The following EPHB6 variants were observed in gnomAD, a reference collection of about 807,000 sequenced individuals.
EPHB6 encodes the protein ephrin type-B receptor 6.
Under a neutral mutation model 107.0 loss-of-function variants are expected in EPHB6, and 51 were observed. The observed-to-expected ratio is 0.48, with a 90% CI of 0.38 to 0.60. The LOEUF (loss-of-function observed/expected upper bound fraction) is 0.60. EPHB6 is among the 20% of genes least tolerant of loss of function. The probability of loss-of-function intolerance (pLI) is 0.00; values close to 1 mark genes in which losing one functional copy is unlikely to be tolerated. For missense variants in EPHB6, 1,141 were observed against 1,355.5 expected (o/e 0.84, Z 2.48); for synonymous variants, 553 against 549.0 (o/e 1.01, Z -0.10).
In EPHB6 at chr7:142,870,412, G is replaced by A. The variant is rs2116491480; in HGVS notation, c.2804+5G>A. 2 of 1,614,048 alleles carry A rather than the reference G, an allele frequency of 1.2e-6. No homozygotes were observed. The highest frequency in any genetic ancestry group is 1.7e-6 in the Non-Finnish European group (2 of 1,179,996). On this transcript the variant is annotated splice_donor_5th_base_variant and intron_variant, in intron 18 of 19. Coordinates refer to ENST00000652003, the MANE Select transcript of EPHB6 (RefSeq NM_004445.6). The stretch of plus-strand genomic sequence containing the variant: ...TGGCGGGGACCCAGGGGAAAGGTCT[G>A]GAGCTTGGGGCTAGAGCCTGGGAAA...
chr7:142,870,746 G>A, intron 19 of EPHB6, 50 bp from the exon 20 acceptor site: 1 of 1,614,122 alleles, frequency 6.2e-7, no homozygotes, highest in Non-Finnish European at 8.5e-7. Context: ...GGGTCGTATT[G>A]GGGATCTCGG....
At position 142,864,309 on chromosome 7, in the gene EPHB6, C is replaced by G; in HGVS notation, c.509C>G (p.Ser170Cys). ...ADESFPSSSS[S>C]SSSSSSSAAW... Reference sequence around the variant, plus strand: ...GAGAGCTTTCCCTCCTCCTCCTCCTCCTCCTCCTCCTCTTCTTCCTCTGCA... The same window carrying G: ...GAGAGCTTTCCCTCCTCCTCCTCCTGCTCCTCCTCCTCTTCTTCCTCTGCA... Residue 170 changes from serine to cysteine, a missense_variant, in exon 7 of 20, where the codon TCC (serine) becomes TGC (cysteine). Transcript: ENST00000652003. The G allele has an allele frequency of 6.2e-7, 1 of 1,613,266 alleles. No homozygotes were observed. The highest frequency in any genetic ancestry group is 8.5e-7 in the Non-Finnish European group (1 of 1,179,924).
intron 1 of EPHB6, among the ~76,000 whole-genome samples, chr7:142,859,718 G>A (rs1333813583): frequency 6.6e-6 from 1 of 152,084 alleles, no homozygotes; most frequent in Non-Finnish European, 1.5e-5. Context: ...GTATCCTTCT[G>A]GGTACTTTAA....
rs186950384 is a variant in EPHB6, at chr7:142,866,797, G to A, written c.1588-109G>A. 130 of 1,592,658 alleles carry A rather than the reference G, an allele frequency of 8.2e-5. No individual in the cohort carries two copies. The African/African-American group carries it at 1.5e-3, about 19-fold the overall frequency. On this transcript the variant is annotated intron_variant, in intron 10 of 19. Transcript: ENST00000652003. This position sits in a 1 kb window ranked among gnomAD's most constrained non-coding sequence, Gnocchi z 5.2. The stretch of plus-strand genomic sequence containing the variant: ...GAGGTGCCCAGAAGTGTGCAGCACT[G>A]GGCATGTGTCTGAGAGCCCTGTCAA...
intron 6 of EPHB6, 117 bp downstream of exon 6, chr7:142,863,812 C>T: frequency 6.8e-7 from 1 of 1,474,770 alleles, no homozygotes; most frequent in Admixed American, 1.7e-5. Context: ...GGATCCCTCC[C>T]TCTAGAGCAC....
rs763569121 is a variant in EPHB6, at chr7:142,869,072, C to A, written c.2385C>A (p.Arg795=). 1.2e-6 allele frequency: 2 copies of A among 1,613,768 alleles called. No homozygotes were observed. Among genetic ancestry groups the A allele is most frequent in the Admixed American group, 3.3e-5 (2 of 60,034 alleles). The change falls in exon 16 of 20, where the codon CGC becomes CGA. Residue 795 remains arginine, a synonymous_variant. Transcript: ENST00000652003. This position sits in a 1 kb window ranked among gnomAD's most constrained non-coding sequence, Gnocchi z 4.5. ...TGTCCAGCTTTGCCTTCGTCCATCG[C>A]TCGCTGTCTGCCCACAGCGTGCTGG... ...QYLSSFAFVH[R]SLSAHSVLVN...
Position 142,870,587 on chromosome 7 carries a change from C to T in EPHB6, c.2862C>T (p.Pro954=), listed in dbSNP as rs375796741. 11 of 1,614,142 alleles carry T rather than the reference C, an allele frequency of 6.8e-6. No individual in the cohort carries two copies. In the African/African-American group the frequency reaches 8.0e-5, roughly 12 times the overall value. Residue 954 remains proline (P), a synonymous_variant, in exon 19 of 20, where the codon CCC becomes CCT. Coordinates refer to ENST00000652003, the MANE Select transcript of EPHB6 (RefSeq NM_004445.6). ...TGGACTTTCCTTGTCTGGACTCACC[C>T]CAGGCCTGGCTTTCAGCCATTGGAC... The part of the protein sequence containing the change: ...VALDFPCLDS[P]QAWLSAIGLE...
intron 19 of EPHB6, 44 bp from the exon 20 acceptor site, chr7:142,870,752 C>A: frequency 6.2e-7 from 1 of 1,614,140 alleles, no homozygotes; most frequent in Middle Eastern, 1.6e-4. Context: ...TATTGGGGAT[C>A]TCGGAGAAGC....
intron 1 of EPHB6, among the ~76,000 whole-genome samples, chr7:142,856,683 C>T (rs749925978): frequency 1.3e-5 from 2 of 152,134 alleles, no homozygotes; most frequent in African/African-American, 4.8e-5. Context: ...TCCCCGCCCC[C>T]CACTTGGCTC....
rs201981103 is a variant in EPHB6 at position 142,870,738 on chromosome 7, G to A, written c.2960+53G>A. On this transcript the variant is annotated intron_variant, in intron 19 of 19. Transcript: ENST00000652003. ...GAATGCTCCAGGCCCCTGGCTGGGG[G>A]TCGTATTGGGGATCTCGGAGAAGCT... 1.1e-5 allele frequency: 17 copies of A among 1,614,138 alleles called. No homozygotes were observed. In the Admixed American group the frequency reaches 2.7e-4, roughly 25 times the overall value.
chr7:142,867,687 G>A lies in EPHB6; in HGVS notation c.1830G>A (p.Leu610=), dbSNP rs1282456008. The A allele has an allele frequency of 6.2e-7, 1 of 1,613,364 alleles. No individual in the cohort carries two copies. Among genetic ancestry groups the A allele is most frequent in the South Asian group, 1.1e-5 (1 of 90,886 alleles). The part of the protein sequence containing the change: ...SILGALAFLL[L]AAITVLAVVF... ...TGGGGGCTTTGGCCTTCCTCCTGCT[G>A]GCAGCCATCACCGTGCTGGCGGTCG... is the stretch of plus-strand genomic sequence containing the variant. The change falls in exon 12 of 20, where the codon CTG becomes CTA. Residue 610 remains leucine (L), a synonymous_variant. Transcript: ENST00000652003. The surrounding 1 kb of genome is among the most constrained non-coding windows in gnomAD (Gnocchi z 5.3).
At position 142,867,792 on chromosome 7, in the gene EPHB6, A is replaced by T. The variant is rs894157837; in HGVS notation, c.1865+70A>T. On this transcript the variant is annotated intron_variant, in intron 12 of 19. Transcript: ENST00000652003. The surrounding 1 kb of genome is among the most constrained non-coding windows in gnomAD (Gnocchi z 5.3). ...CACAGCCAAACCTCAAGTCCTGCCA[A>T]GTCTGGAGCCCCCTGCAGAAACCTC... is the stretch of plus-strand genomic sequence containing the variant. The T allele has an allele frequency of 1.0e-5, 15 of 1,491,448 alleles. No homozygotes were observed. The African/African-American group carries it at 2.1e-4, about 21-fold the overall frequency. 92.4% of individuals were successfully genotyped at this position (1,491,448 alleles called of 1,614,324 possible). A position where few individuals can be genotyped will look rare whatever the true frequency, so the allele number is the denominator to read the frequency against.
At position 142,863,142 on chromosome 7, in the gene EPHB6, G is replaced by T. The variant is rs985270479; in HGVS notation, c.-86G>T. ...GTCTCCTCAGGAAGCAAGCTTAGCT[G>T]TACACCCTGAGTCTTGCAAAAGCTG... On this transcript the variant is annotated 5_prime_UTR_variant, in exon 5 of 20. Transcript: ENST00000652003. 5 of 1,146,148 alleles carry T rather than the reference G, an allele frequency of 4.4e-6. No homozygotes were observed. In the Admixed American group the frequency reaches 9.7e-5, roughly 22 times the overall value. 71.0% of individuals were successfully genotyped at this position (1,146,148 alleles called of 1,614,324 possible).
At position 142,871,022 on chromosome 7, in the gene EPHB6, A is replaced by C; in HGVS notation, c.*118A>C. 1 of 933,812 alleles carries C rather than the reference A, an allele frequency of 1.1e-6. No homozygotes were observed. 57.8% of individuals were successfully genotyped at this position (933,812 alleles called of 1,614,324 possible). A position where few individuals can be genotyped will look rare whatever the true frequency, so the allele number is the denominator to read the frequency against. On this transcript the variant is annotated 3_prime_UTR_variant, in exon 20 of 20. Transcript: ENST00000652003. ...CCCCACACCAAACCCAACCCTCCCG[A>C]TGGCTGCATTCCCTGGTCCTCCGCC...
rs1794706346 is a variant in EPHB6 at position 142,868,136 on chromosome 7, G to A, written c.1918+87G>A. Reference sequence around the variant, plus strand: ...CAAGGCTGGATCCCCCCAAGATTGGGGGAGCTCCTTGGCACAACCTTCTGG... The same window carrying A: ...CAAGGCTGGATCCCCCCAAGATTGGAGGAGCTCCTTGGCACAACCTTCTGG... On this transcript the variant is annotated intron_variant, in intron 13 of 19. Transcript: ENST00000652003. This position sits in a 1 kb window ranked among gnomAD's most constrained non-coding sequence, Gnocchi z 4.2. The A allele has an allele frequency of 1.2e-6, 2 of 1,613,696 alleles. No individual in the cohort carries two copies. Among genetic ancestry groups the A allele is most frequent in the Non-Finnish European group, 1.7e-6 (2 of 1,179,804 alleles).
Position 142,866,585 on chromosome 7 carries a change from C to T in EPHB6, c.1567C>T (p.Gln523Ter), listed in dbSNP as rs2116450188. ...GACCAATGGGAACATCCTGGACTAT[C>T]AGCTCCGCTACTATGACCAGGTGCG... ...DQTNGNILDY[Q>*]LRYYDQAEDE... The change falls in exon 10 of 20, where the codon CAG (glutamine) becomes TAG (stop). Residue 523 changes from glutamine to a stop codon, truncating the protein, a stop_gained. Coordinates refer to ENST00000652003, the MANE Select transcript of EPHB6 (RefSeq NM_004445.6). LOFTEE classifies it high-confidence loss of function. This position sits in a 1 kb window ranked among gnomAD's most constrained non-coding sequence, Gnocchi z 5.2. 6.2e-7 allele frequency: 1 copy of T among 1,614,120 alleles called. No homozygotes were observed. Among genetic ancestry groups the T allele is most frequent in the Non-Finnish European group, 8.5e-7 (1 of 1,180,034 alleles).
intron 2 of EPHB6, 126 bp from the exon 3 acceptor site, chr7:142,861,891 A>T (rs1802857781): frequency 6.6e-6 from 1 of 152,254 alleles, no homozygotes; most frequent in South Asian, 2.1e-4. Context: ...CAGAGTATGT[A>T]CAAGAGAACC....
rs2116444290 is a variant in EPHB6 at position 142,866,148 on chromosome 7, G to A, written c.1294G>A (p.Val432Ile). The A allele has an allele frequency of 1.2e-6, 2 of 1,614,052 alleles. No homozygotes were observed. Among genetic ancestry groups the A allele is most frequent in the Non-Finnish European group, 1.7e-6 (2 of 1,180,018 alleles). ...GGTCHRCRDE[V>I]HFDPRQRGLT... ...CACTTGTCACCGCTGCAGGGATGAG[G>A]TCCACTTCGACCCTCGCCAGAGAGG... Residue 432 changes from valine (V) to isoleucine (I), a missense_variant, in exon 9 of 20, where the codon GTC becomes ATC. Transcript: ENST00000652003. The surrounding 1 kb of genome is among the most constrained non-coding windows in gnomAD (Gnocchi z 5.2).
In EPHB6 at chr7:142,865,562, C is replaced by A. The variant is rs1382986502; in HGVS notation, c.1037C>A (p.Ala346Asp). ...CGCAGTCACGCTCCCAACCCAGCAGCCCCCGTTTGCCCCTGCCTGGAGGGC... is the reference window on the plus strand; with the variant it reads ...CGCAGTCACGCTCCCAACCCAGCAGACCCCGTTTGCCCCTGCCTGGAGGGC... ...PARSHAPNPA[A>D]PVCPCLEGFY... Residue 346 changes from alanine (A) to aspartate (D), a missense_variant, in exon 8 of 20, where the codon GCC becomes GAC. Ala to Asp is a moderately radical substitution (Grantham distance 126). Transcript: ENST00000652003. 1 of 1,613,614 alleles carries A rather than the reference C, an allele frequency of 6.2e-7. No individual in the cohort carries two copies. The highest frequency in any genetic ancestry group is 2.2e-5 in the East Asian group (1 of 44,848).
Sources: allele counts gnomAD v4.1 joint callset (sites outside exome capture counted in the v4.1 genomes callset), GRCh38; gene constraint gnomAD v4.1.1; non-coding constraint Gnocchi (gnomAD v3.1); transcripts MANE v1.5; gene names NCBI Gene and HGNC (gene_info 2026-07-23, HGNC 2026-07-21).